PLCB1: variants seen among roughly 807,000 people sequenced by gnomAD.
PLCB1 encodes 1-phosphatidylinositol 4,5-bisphosphate phosphodiesterase beta-1.
PLCB1 carries 46 observed loss-of-function variants against 161.8 expected under a neutral mutation model. The ratio of observed to expected loss-of-function variants is 0.28; its 90% CI spans 0.22 to 0.36. The LOEUF (loss-of-function observed/expected upper bound fraction) is 0.36. Among genes scored for constraint, PLCB1 ranks in the 10% least tolerant of loss-of-function variants. The pLI is 1.00. For missense variants in PLCB1, 1,016 were observed against 1,472.5 expected, an observed-to-expected ratio of 0.69 and a Z score of 5.07; for synonymous variants, 517 against 503.7, an observed-to-expected ratio of 1.03 and a Z score of -0.35.
At chr20:8,362,282 C>T (rs949725589) in intron 2 of PLCB1, among the ~76,000 whole-genome samples, 2 of 152,050 alleles carry the variant, frequency 1.3e-5, no homozygotes, top group African/African-American at 4.8e-5. Flanking sequence ...TTAATGTCAA[C>T]CTAATAAGTT....
chr20:8,138,436 C>A (rs141413081), intron 1 of PLCB1, among the ~76,000 whole-genome samples: 2 of 152,244 alleles, frequency 1.3e-5, no homozygotes, highest in East Asian at 3.9e-4. Flanking sequence ...CTATGGGTCT[C>A]CACTTAAATA....
intron 27 of PLCB1, among the ~76,000 whole-genome samples, chr20:8,775,906 G>A (rs964461827): frequency 2.0e-5 from 3 of 152,144 alleles, no homozygotes; most frequent in African/African-American, 7.2e-5. Context: ...ACATGATTTC[G>A]AGGGGTTGCC....
rs148236379 is a variant in PLCB1 at position 8,881,744 on chromosome 20, C to T, written c.3546C>T (p.Ala1182=). Residue 1182 remains alanine (A), a synonymous_variant, in exon 32 of 32, where the codon GCC becomes GCT. Transcript: ENST00000338037. ...KISEDSNHGS[A]PLSLSSDPGK... is the part of the protein sequence containing the mutation. The stretch of plus-strand genomic sequence containing the variant: ...GTGAAGACAGCAATCACGGTTCTGC[C>T]CCTCTCTCCCTGTCCTCAGACCCTG... The T allele has an allele frequency of 1.1e-5, 18 of 1,613,834 alleles. No homozygotes were observed. The highest frequency in any genetic ancestry group is 1.5e-5 in the Non-Finnish European group (18 of 1,179,914).
intron 1 of PLCB1, among the ~76,000 whole-genome samples, chr20:8,134,693 G>C (rs1173534406): frequency 6.6e-6 from 1 of 152,044 alleles, no homozygotes; most frequent in Non-Finnish European, 1.5e-5. Flanking sequence ...ACCAATGAGA[G>C]AGAGATTGGG....
At chr20:8,173,515 C>T (rs1040328579) in intron 2 of PLCB1, among the ~76,000 whole-genome samples, 1 of 152,118 alleles carries the variant, frequency 6.6e-6, no homozygotes, top group African/African-American at 2.4e-5. Context: ...AAACTTAAAC[C>T]AGGGTGACTA....
At chr20:8,418,924 G>A (rs897042804) in intron 3 of PLCB1, among the ~76,000 whole-genome samples, 4 of 152,112 alleles carry the variant, frequency 2.6e-5, no homozygotes, top group Non-Finnish European at 5.9e-5. Context: ...GAGGGCAACA[G>A]CTGAGGTTTC....
At chr20:8,400,782 T>C (rs1978514704) in intron 3 of PLCB1, among the ~76,000 whole-genome samples, 1 of 152,240 alleles carries the variant, frequency 6.6e-6, no homozygotes, top group Admixed American at 6.5e-5. Flanking sequence ...AGTCATTTGT[T>C]AATAGGCATT....
intron 3 of PLCB1, among the ~76,000 whole-genome samples, chr20:8,518,137 G>A (rs994915941): frequency 2.6e-5 from 4 of 151,774 alleles, no homozygotes; most frequent in East Asian, 2.0e-4. Flanking sequence ...AGCCAAGATC[G>A]CACCACTGCA....
chr20:8,132,988 C>G lies in PLCB1; in HGVS notation c.99+238C>G, dbSNP rs1313678247. On this transcript the variant is annotated intron_variant, in intron 1 of 31. Coordinates refer to ENST00000338037, the MANE Select transcript of PLCB1 (RefSeq NM_015192.4). This position sits in a 1 kb window ranked among gnomAD's most constrained non-coding sequence, Gnocchi z 5.2. ...TCCTTTCTGGGTCTGGCAGGCGCCC[C>G]CTGAGGGTCTTACATCTTTTGGGCC... Among the ~76,000 whole-genome samples the G allele has an allele frequency of 6.6e-6, 1 of 152,114 alleles. No homozygotes were observed. Among genetic ancestry groups the G allele is most frequent in the Non-Finnish European group, 1.5e-5 (1 of 68,016 alleles).
intron 31 of PLCB1, among the ~76,000 whole-genome samples, chr20:8,824,121 G>T (rs182266729): frequency 6.6e-6 from 1 of 152,044 alleles, no homozygotes; most frequent in African/African-American, 2.4e-5. Flanking sequence ...ACAAAATTGC[G>T]TTTTTTGAAA....
intron 3 of PLCB1, among the ~76,000 whole-genome samples, chr20:8,600,459 T>C (rs1987522695): frequency 6.7e-6 from 1 of 149,640 alleles, no homozygotes; most frequent in African/African-American, 2.5e-5. Flanking sequence ...CTGCCCGTTC[T>C]CAGATCTCCA....
chr20:8,436,429 G>A (rs1980310563), intron 3 of PLCB1, among the ~76,000 whole-genome samples: 1 of 127,348 alleles, frequency 7.9e-6, no homozygotes, highest in Non-Finnish European at 1.7e-5. Flanking sequence ...CTTAAGTTGT[G>A]TTCAAGAAAA....
At chr20:8,762,167 G>A (rs954956838) in intron 25 of PLCB1, among the ~76,000 whole-genome samples, 5 of 152,094 alleles carry the variant, frequency 3.3e-5, no homozygotes, top group East Asian at 1.9e-4. Flanking sequence ...CCAAGGTTGC[G>A]CCATTGCACT....
chr20:8,312,003 T>C (rs1268985823), intron 2 of PLCB1, among the ~76,000 whole-genome samples: 1 of 152,150 alleles, frequency 6.6e-6, no homozygotes, highest in African/African-American at 2.4e-5. Flanking sequence ...CTGCTCAACC[T>C]CTAAGTCCAT....
intron 31 of PLCB1, among the ~76,000 whole-genome samples, chr20:8,838,981 C>T (rs1986395681): frequency 6.6e-6 from 1 of 152,202 alleles, no homozygotes; most frequent in Admixed American, 6.5e-5. Flanking sequence ...CTACACCGTC[C>T]TACATAAGGG....
chr20:8,337,606 C>T (rs148088483), intron 2 of PLCB1, among the ~76,000 whole-genome samples: 8 of 152,246 alleles, frequency 5.3e-5, no homozygotes, highest in East Asian at 1.9e-4. Context: ...GCCTTAAAAT[C>T]GCACTTGTAA....
At chr20:8,460,388 C>G (rs757112559) in intron 3 of PLCB1, among the ~76,000 whole-genome samples, 2 of 152,220 alleles carry the variant, frequency 1.3e-5, no homozygotes, top group Non-Finnish European at 2.9e-5. Flanking sequence ...AAGTGCATCC[C>G]ACTCAGAGCT....
intron 9 of PLCB1, among the ~76,000 whole-genome samples, chr20:8,668,125 GAAATAGGTCGAATGCAGAA>G (rs575792882): frequency 6.6e-6 from 1 of 151,572 alleles, no homozygotes; most frequent in South Asian, 2.1e-4. Flanking sequence ...AAGTGGGAGG[GAAATAGGTCGAATGCAGAA>G]AAAAAAAAAG....
chr20:8,678,548 T>G (rs987614661), intron 9 of PLCB1, among the ~76,000 whole-genome samples: 3 of 152,256 alleles, frequency 2.0e-5, no homozygotes, highest in African/African-American at 7.2e-5. Flanking sequence ...AGAATAATTC[T>G]AAATTTAGCA....
Sources: gnomAD v4.1 joint callset for allele counts (sites outside exome capture counted in the v4.1 genomes callset) on GRCh38, gnomAD v4.1.1 for gene constraint, Gnocchi (gnomAD v3.1) non-coding constraint, MANE v1.5 for transcripts, NCBI Gene and HGNC (gene_info 2026-07-23, HGNC 2026-07-21) for gene names.